Variants in FAM120B observed in about 807,000 individuals in gnomAD.
FAM120B encodes constitutive coactivator of peroxisome proliferator-activated receptor gamma.
In FAM120B, 83 loss-of-function variants were observed where a neutral mutation model predicts 96.3. That is an observed-to-expected ratio of 0.86 (90% CI 0.72 to 1.03). The LOEUF is 1.03. FAM120B is among the 50% of genes least tolerant of loss of function. The pLI, the probability that FAM120B is intolerant of heterozygous loss-of-function variation, is 0.00. For missense variants in FAM120B, 1,027 were observed against 1,121.2 expected, an observed-to-expected ratio of 0.92 and a Z score of 1.20; for synonymous variants, 407 against 402.7, an observed-to-expected ratio of 1.01 and a Z score of -0.13.
intron 6 of FAM120B, among the ~76,000 whole-genome samples, chr6:170,368,077 G>A (rs748339221): frequency 4.6e-5 from 7 of 152,210 alleles, no homozygotes; most frequent in Non-Finnish European, 8.8e-5. Context: ...CAATATGCAT[G>A]TATGTTGTGT....
intron 4 of FAM120B, among the ~76,000 whole-genome samples, chr6:170,333,282 G>A (rs76177430): frequency 1.3e-5 from 2 of 151,362 alleles, no homozygotes; most frequent in Non-Finnish European, 2.9e-5. Flanking sequence ...TTATAAAAGA[G>A]GCCCCTTCTT....
chr6:170,293,500 G>A (rs1051805291), upstream of FAM120B, among the ~76,000 whole-genome samples: 2 of 152,052 alleles, frequency 1.3e-5, no homozygotes, highest in Non-Finnish European at 2.9e-5. Flanking sequence ...CAGATTTCTC[G>A]ATTACGGCGG....
chr6:170,377,866 A>C (rs915778123), intron 6 of FAM120B, among the ~76,000 whole-genome samples: 5 of 107,760 alleles, frequency 4.6e-5, no homozygotes, highest in African/African-American at 2.0e-4. Flanking sequence ...CTGGGAGAGC[A>C]CCGGCTCACG....
At chr6:170,375,548 T>A (rs1429431049) in intron 6 of FAM120B, among the ~76,000 whole-genome samples, 1 of 152,250 alleles carries the variant, frequency 6.6e-6, no homozygotes, top group African/African-American at 2.4e-5. Flanking sequence ...ACACTTCCAC[T>A]CATTCATTAA....
At chr6:170,351,973 C>T (rs1255910256) in intron 5 of FAM120B, among the ~76,000 whole-genome samples, 1 of 152,160 alleles carries the variant, frequency 6.6e-6, no homozygotes, top group Non-Finnish European at 1.5e-5. Flanking sequence ...CTAAATGCCC[C>T]AGTTAAAAGG....
At chr6:170,355,706 A>G (rs932015030) in intron 5 of FAM120B, among the ~76,000 whole-genome samples, 2 of 152,208 alleles carry the variant, frequency 1.3e-5, no homozygotes, top group South Asian at 4.1e-4. Context: ...CATCCTGCAT[A>G]TGTACCCCCA....
At chr6:170,347,500 T>G (rs956997043) in intron 4 of FAM120B, among the ~76,000 whole-genome samples, 1 of 152,214 alleles carries the variant, frequency 6.6e-6, no homozygotes, top group Non-Finnish European at 1.5e-5. Flanking sequence ...ATATAAAATA[T>G]AGAAGTGAAA....
intron 3 of FAM120B, among the ~76,000 whole-genome samples, chr6:170,329,515 G>A (rs965734066): frequency 2.6e-5 from 4 of 152,050 alleles, no homozygotes; most frequent in African/African-American, 4.8e-5. Flanking sequence ...TCACCCCCGC[G>A]GTCCTGTGGC....
intron 4 of FAM120B, 143 bp from the exon 5 acceptor site, chr6:170,348,008 C>A: frequency 1.6e-6 from 1 of 637,512 alleles, no homozygotes; most frequent in Non-Finnish European, 2.5e-6. Context: ...AAGAAAATCA[C>A]TAATCTGATC....
chr6:170,358,291 A>G lies in FAM120B; in HGVS notation c.2256A>G (p.Lys752=), dbSNP rs1255205462. ...FIAQALCLQG[K]STSQLVNLQP... is the part of the protein sequence containing the mutation. ...CGCAGGCCTTGTGCCTCCAAGGAAA[A>G]TCCACCTCGCAGCTTGTAAATCTAC... Residue 752 remains lysine, a synonymous_variant, in exon 6 of 11, where the codon AAA becomes AAG. Coordinates refer to ENST00000476287, the MANE Select transcript of FAM120B (RefSeq NM_032448.3). 1 of 1,606,598 alleles carries G rather than the reference A, an allele frequency of 6.2e-7. No homozygotes were observed. The highest frequency in any genetic ancestry group is 8.5e-7 in the Non-Finnish European group (1 of 1,175,192).
intron 2 of FAM120B, among the ~76,000 whole-genome samples, chr6:170,320,712 C>G (rs1785230395): frequency 6.6e-6 from 1 of 152,130 alleles, no homozygotes; most frequent in African/African-American, 2.4e-5. Flanking sequence ...TGGCAAGAGA[C>G]AGACATCTGG....
intron 3 of FAM120B, among the ~76,000 whole-genome samples, chr6:170,328,971 C>T (rs1785806750): frequency 6.6e-6 from 1 of 152,218 alleles, no homozygotes; most frequent in African/African-American, 2.4e-5. Context: ...TAAGGCAGGG[C>T]CTTCCAGGCT....
chr6:170,395,196 A>T (rs1790664536), intron 8 of FAM120B, among the ~76,000 whole-genome samples: 2 of 152,112 alleles, frequency 1.3e-5, no homozygotes, highest in Non-Finnish European at 2.9e-5. Context: ...AGGGGGCCCC[A>T]GGGAAGAGGA....
chr6:170,404,829 T>TG lies in FAM120B; in HGVS notation c.*79dup, dbSNP rs1778748604. On this transcript the variant is annotated 3_prime_UTR_variant, in exon 11 of 11. Coordinates refer to ENST00000476287, the MANE Select transcript of FAM120B (RefSeq NM_032448.3). ...CCCTGCCAGCGCCCTCCTCTGCTGT[T>TG]GCAGCTGCAAGGAGACCATGCCTGT... The TG allele has an allele frequency of 3.8e-6, 2 of 529,072 alleles. No individual in the cohort carries two copies. The highest frequency in any genetic ancestry group is 3.5e-5 in the Admixed American group (1 of 28,450). 32.8% of individuals were successfully genotyped at this position (529,072 alleles called of 1,614,324 possible).
At position 170,358,293 on chromosome 6, in the gene FAM120B, C is replaced by T; in HGVS notation, c.2258C>T (p.Ser753Phe). ...IAQALCLQGK[S>F]TSQLVNLQPD... Reference sequence around the variant, plus strand: ...CAGGCCTTGTGCCTCCAAGGAAAATCCACCTCGCAGCTTGTAAATCTACAG... The same window carrying T: ...CAGGCCTTGTGCCTCCAAGGAAAATTCACCTCGCAGCTTGTAAATCTACAG... The change falls in exon 6 of 11, where the codon TCC (serine) becomes TTC (phenylalanine). Residue 753 changes from serine (S) to phenylalanine (F), a missense_variant. By Grantham distance (155) the Ser-to-Phe change is radical. Coordinates refer to ENST00000476287, the MANE Select transcript of FAM120B (RefSeq NM_032448.3). 1.2e-6 allele frequency: 2 copies of T among 1,606,316 alleles called. No individual in the cohort carries two copies. Among genetic ancestry groups the T allele is most frequent in the East Asian group, 2.2e-5 (1 of 44,824 alleles).
chr6:170,304,801 ACTC>A (rs1784222298), upstream of FAM120B, among the ~76,000 whole-genome samples: 1 of 149,942 alleles, frequency 6.7e-6, no homozygotes, highest in African/African-American at 2.5e-5. Context: ...GTCAGATCCT[ACTC>A]CTCCTTCCAG....
chr6:170,303,056 T>A (rs543349779), upstream of FAM120B, among the ~76,000 whole-genome samples: 14 of 152,354 alleles, frequency 9.2e-5, no homozygotes, highest in African/African-American at 3.4e-4. Flanking sequence ...AGTGAATAAC[T>A]TTTTAAAACT....
chr6:170,349,453 T>C (rs1305249243), intron 5 of FAM120B, among the ~76,000 whole-genome samples: 1 of 152,252 alleles, frequency 6.6e-6, no homozygotes, highest in African/African-American at 2.4e-5. Flanking sequence ...TTGGACTGAT[T>C]TTTTCTTTCT....
At chr6:170,384,709 G>T (rs1419781473) in intron 6 of FAM120B, among the ~76,000 whole-genome samples, 2 of 152,236 alleles carry the variant, frequency 1.3e-5, no homozygotes, top group Non-Finnish European at 2.9e-5. Flanking sequence ...GAGCACAGGG[G>T]TCCACAAACT....
Sources: gnomAD v4.1 joint callset for allele counts (sites outside exome capture counted in the v4.1 genomes callset) on GRCh38, gnomAD v4.1.1 for gene constraint, MANE v1.5 for transcripts, NCBI Gene and HGNC (gene_info 2026-07-23, HGNC 2026-07-21) for gene names.